Variants in ANXA8 observed in about 807,000 individuals in gnomAD.
The protein encoded by ANXA8 is annexin A8.
In ANXA8, 9 loss-of-function variants were observed where a neutral mutation model predicts 26.8. That is an observed-to-expected ratio of 0.34 (90% CI 0.20 to 0.59). The LOEUF is 0.59. Among genes scored for constraint, ANXA8 ranks in the 20% least tolerant of loss-of-function variants. The pLI, the probability that ANXA8 is intolerant of heterozygous loss-of-function variation, is 0.84. For synonymous variants in ANXA8, 39 were observed against 94.8 expected (o/e 0.41, Z 3.42); for missense variants, 83 against 238.5 (o/e 0.35, Z 4.29).
the ANXA8 span, among the ~76,000 whole-genome samples, chr10:47,721,225 A>G: frequency 7.0e-6 from 1 of 142,042 alleles, no homozygotes; most frequent in Non-Finnish European, 1.5e-5. Context: ...AAAAGTATGT[A>G]TAGGTGACTT....
At chr10:47,548,365 G>A in the ANXA8 span, among the ~76,000 whole-genome samples, 7 of 146,518 alleles carry the variant, frequency 4.8e-5, no homozygotes, top group Admixed American at 3.4e-4. Context: ...GCAATGGCAC[G>A]ATCTCGCCTC....
upstream of ANXA8, chr10:47,487,370 C>T (rs1840066382): frequency 6.7e-6 from 6 of 891,214 alleles, no homozygotes; most frequent in Non-Finnish European, 9.9e-6. Flanking sequence ...ATCTTTTTGT[C>T]CCCTGACTCC....
chr10:47,766,012 T>C, the ANXA8 span, among the ~76,000 whole-genome samples: 1 of 150,888 alleles, frequency 6.6e-6, no homozygotes, highest in Admixed American at 6.6e-5. Flanking sequence ...CATCATCCCC[T>C]CGTCCTCATG....
rs1839534255 is a variant in ANXA8 at position 47,476,218 on chromosome 10, G to C, written c.412+14C>G. ...TGGCCACTCCTGAGCCCCTCCATCT[G>C]TGCCACCCCTTACCTTCCTCATACG... On this transcript the variant is annotated intron_variant, in intron 5 of 11. Coordinates refer to ENST00000585281, the MANE Select transcript of ANXA8 (RefSeq NM_001040084.3). The C allele has an allele frequency of 2.5e-6, 1 of 404,592 alleles. No homozygotes were observed. The highest frequency in any genetic ancestry group is 4.0e-6 in the Non-Finnish European group (1 of 250,002). The allele number at this position is 404,592 out of a possible 1,614,324, so 25.1% of individuals were successfully genotyped here.
the ANXA8 span, among the ~76,000 whole-genome samples, chr10:47,949,838 A>G: frequency 1.3e-5 from 2 of 149,676 alleles, no homozygotes; most frequent in Non-Finnish European, 3.0e-5. Context: ...GAAAAGAGAA[A>G]TAAAGGATGA....
chr10:47,667,312 G>A, the ANXA8 span, among the ~76,000 whole-genome samples: 2 of 151,920 alleles, frequency 1.3e-5, no homozygotes, highest in Non-Finnish European at 2.9e-5. Context: ...TTGTCTTCTA[G>A]CTTGTGTTAT....
chr10:47,952,294 T>C, the ANXA8 span, among the ~76,000 whole-genome samples: 18 of 151,566 alleles, frequency 1.2e-4, no homozygotes, highest in Non-Finnish European at 4.4e-5. Context: ...TAAGAGGAAA[T>C]ACCGACATAA....
At chr10:47,900,871 T>A in the ANXA8 span, among the ~76,000 whole-genome samples, 1 of 151,434 alleles carries the variant, frequency 6.6e-6, no homozygotes, top group African/African-American at 2.4e-5. Context: ...AGAAAACTAG[T>A]ACCTTGAGAA....
At chr10:47,768,954 G>C in the ANXA8 span, among the ~76,000 whole-genome samples, 1 of 148,538 alleles carries the variant, frequency 6.7e-6, no homozygotes, top group Non-Finnish European at 1.5e-5. Context: ...TGTGCCTGGG[G>C]ACTTGTCAGG....
At chr10:47,498,393 A>G in the ANXA8 span, among the ~76,000 whole-genome samples, 1 of 143,232 alleles carries the variant, frequency 7.0e-6, no homozygotes, top group African/African-American at 2.6e-5. Flanking sequence ...TTATCAATTC[A>G]TCTGCCTATG....
chr10:47,942,373 C>A, the ANXA8 span, among the ~76,000 whole-genome samples: 2 of 144,318 alleles, frequency 1.4e-5, no homozygotes, highest in Admixed American at 6.9e-5. Flanking sequence ...TGCTTTCCTG[C>A]AATGCTGTGC....
At chr10:47,953,884 G>A in the ANXA8 span, among the ~76,000 whole-genome samples, 1 of 150,208 alleles carries the variant, frequency 6.7e-6, no homozygotes, top group Non-Finnish European at 1.5e-5. Flanking sequence ...TCCAAGAAAG[G>A]CAATAACAAA....
chr10:47,956,786 C>T, the ANXA8 span, among the ~76,000 whole-genome samples: 1 of 149,850 alleles, frequency 6.7e-6, no homozygotes, highest in African/African-American at 2.5e-5. Flanking sequence ...CCTCGCACAG[C>T]CCAGGGCCTG....
At chr10:47,967,548 CCTT>C in the ANXA8 span, among the ~76,000 whole-genome samples, 1 of 97,652 alleles carries the variant, frequency 1.0e-5, no homozygotes, top group South Asian at 4.3e-4. Flanking sequence ...CATACCCTCC[CCTT>C]CTTCTGAAAG....
chr10:47,940,503 C>T, the ANXA8 span, among the ~76,000 whole-genome samples: 1 of 145,852 alleles, frequency 6.9e-6, no homozygotes, highest in Admixed American at 6.7e-5. Context: ...ACTTTAGGGC[C>T]TAGGGGAATG....
At chr10:47,980,913 T>C in the ANXA8 span, among the ~76,000 whole-genome samples, 1 of 151,616 alleles carries the variant, frequency 6.6e-6, no homozygotes, top group Non-Finnish European at 1.5e-5. Context: ...TTATTGTCAA[T>C]TCTTCACAAT....
the ANXA8 span, among the ~76,000 whole-genome samples, chr10:47,682,714 C>T: frequency 0.098 from 13,984 of 143,020 alleles, 6 homozygotes; most frequent in African/African-American, 0.14. Flanking sequence ...TCATGACCTG[C>T]CCACTTCGGC....
chr10:47,743,319 T>TACATATAC, the ANXA8 span, among the ~76,000 whole-genome samples: 3 of 45,876 alleles, frequency 6.5e-5, no homozygotes, highest in South Asian at 1.4e-3. Context: ...TATACACATA[T>TACATATAC]ATATATATAC....
the ANXA8 span, among the ~76,000 whole-genome samples, chr10:47,944,672 G>C: frequency 6.6e-6 from 1 of 150,582 alleles, no homozygotes; most frequent in Non-Finnish European, 1.5e-5. Flanking sequence ...CCCTGCACAT[G>C]CTCTCTTTTG....
Sources: gnomAD v4.1 joint callset for allele counts (sites outside exome capture counted in the v4.1 genomes callset) on GRCh38, gnomAD v4.1.1 for gene constraint, MANE v1.5 for transcripts, NCBI Gene and HGNC (gene_info 2026-07-23, HGNC 2026-07-21) for gene names.